Variants in RALYL observed in about 807,000 individuals in gnomAD.
RALYL encodes the protein RALY RNA binding protein like, also known as RNA-binding Raly-like protein.
A neutral mutation model predicts 35.1 loss-of-function variants in RALYL; 29 were observed. The ratio of observed to expected loss-of-function variants is 0.83; its 90% CI spans 0.61 to 1.13. RALYL has a LOEUF of 1.13. RALYL is among the 50% of genes most tolerant of loss of function. RALYL has a pLI of 0.00. For synonymous variants in RALYL, 120 were observed against 127.6 expected (o/e 0.94, Z 0.40); for missense variants, 359 against 360.4 (o/e 1.00, Z 0.03).
chr8:84,351,081 C>T (rs769113952), intron 1 of RALYL, among the ~76,000 whole-genome samples: 6 of 149,620 alleles, frequency 4.0e-5, no homozygotes, highest in East Asian at 1.9e-4. Context: ...TGTTTGTTCT[C>T]GGTTAACTCT....
At chr8:84,373,398 T>A (rs193272177) in intron 1 of RALYL, among the ~76,000 whole-genome samples, 208 of 152,166 alleles carry the variant, frequency 1.4e-3, no homozygotes, top group African/African-American at 4.5e-3. Context: ...TTTTTGTTTA[T>A]GATATATGGA....
chr8:84,686,390 A>G (rs1281021309), intron 2 of RALYL, among the ~76,000 whole-genome samples: 1 of 143,212 alleles, frequency 7.0e-6, no homozygotes. Flanking sequence ...ATATTAATAC[A>G]TCATATTGTT....
At chr8:84,319,054 A>G (rs1272399160) in intron 1 of RALYL, among the ~76,000 whole-genome samples, 1 of 152,150 alleles carries the variant, frequency 6.6e-6, no homozygotes, top group Non-Finnish European at 1.5e-5. Context: ...ATACTCAACG[A>G]AGAGCTATTT....
chr8:84,254,096 A>G (rs756747404), intron 1 of RALYL, among the ~76,000 whole-genome samples: 35 of 152,146 alleles, frequency 2.3e-4, no homozygotes, highest in Non-Finnish European at 2.8e-4. Flanking sequence ...ATAATTGTCC[A>G]CTTTATAAGC....
chr8:84,367,526 A>AT (rs1391227702), intron 1 of RALYL, among the ~76,000 whole-genome samples: 1 of 150,340 alleles, frequency 6.7e-6, no homozygotes, highest in Non-Finnish European at 1.5e-5. Flanking sequence ...TTGTTTGATA[A>AT]TTTTTCATAT....
chr8:84,277,514 C>T (rs1006317355), intron 1 of RALYL, among the ~76,000 whole-genome samples: 1 of 152,098 alleles, frequency 6.6e-6, no homozygotes, highest in Non-Finnish European at 1.5e-5. Context: ...CCCAACAGTC[C>T]CCCAAAGTCT....
At chr8:84,700,473 T>G (rs1839988842) in intron 2 of RALYL, among the ~76,000 whole-genome samples, 1 of 151,904 alleles carries the variant, frequency 6.6e-6, no homozygotes, top group Non-Finnish European at 1.5e-5. Flanking sequence ...TGAACAAAAC[T>G]AAGGAGTACA....
rs187149722 is a variant in RALYL, at chr8:84,294,400, G to C, written c.-24+109976G>C. On this transcript the variant is annotated intron_variant, in intron 1 of 8. Transcript: ENST00000521268. ...GGATTGGATTAAATTGTTCAGCAAT[G>C]CTTGCTTATTGGTATCTTCAGTTTC... is the stretch of plus-strand genomic sequence containing the variant. Among the ~76,000 whole-genome samples the C allele has an allele frequency of 3.6e-3, 545 of 152,248 alleles. 16 individuals are homozygous for C. Among genetic ancestry groups the C allele is most frequent in the Non-Finnish European group, 5.1e-4 (35 of 68,004 alleles).
chr8:84,338,174 CTTTA>C (rs1349432191), intron 1 of RALYL, among the ~76,000 whole-genome samples: 9 of 151,682 alleles, frequency 5.9e-5, no homozygotes, highest in African/African-American at 1.7e-4. Flanking sequence ...AAAAAAAAAA[CTTTA>C]TTTATAATAA....
intron 1 of RALYL, among the ~76,000 whole-genome samples, chr8:84,366,716 A>G (rs1031808705): frequency 1.4e-5 from 2 of 141,348 alleles, no homozygotes; most frequent in African/African-American, 5.3e-5. Flanking sequence ...TTGAGCCAAG[A>G]TCACACCACT....
At chr8:84,723,382 T>C (rs1844358032) in intron 2 of RALYL, among the ~76,000 whole-genome samples, 1 of 152,026 alleles carries the variant, frequency 6.6e-6, no homozygotes, top group Non-Finnish European at 1.5e-5. Context: ...GAACCTAAAG[T>C]TATCACATGC....
chr8:84,191,555 A>G (rs563711193), intron 1 of RALYL, among the ~76,000 whole-genome samples: 1 of 152,246 alleles, frequency 6.6e-6, no homozygotes, highest in South Asian at 2.1e-4. Flanking sequence ...TCTGGGCAGA[A>G]AAAACACAAG....
intron 4 of RALYL, among the ~76,000 whole-genome samples, chr8:84,824,388 A>G (rs1199331942): frequency 6.6e-6 from 1 of 152,220 alleles, no homozygotes; most frequent in Non-Finnish European, 1.5e-5. Context: ...AAAACATTCT[A>G]TGGCTCATGA....
intron 4 of RALYL, among the ~76,000 whole-genome samples, chr8:84,840,114 C>T (rs1586681420): frequency 6.6e-6 from 1 of 152,196 alleles, no homozygotes; most frequent in East Asian, 1.9e-4. Context: ...CAAAGCTGGA[C>T]AGGGAATGAC....
chr8:84,425,137 C>G (rs1426819935), intron 1 of RALYL, among the ~76,000 whole-genome samples: 2 of 152,206 alleles, frequency 1.3e-5, no homozygotes, highest in East Asian at 3.9e-4. Flanking sequence ...TGGCGGACGC[C>G]CCTCCCCCAG....
At chr8:84,355,999 G>A (rs1455445458) in intron 1 of RALYL, among the ~76,000 whole-genome samples, 1 of 149,940 alleles carries the variant, frequency 6.7e-6, no homozygotes, top group Non-Finnish European at 1.5e-5. Flanking sequence ...TAGTGAGTGA[G>A]TTCTTGGGAG....
At chr8:84,647,146 C>A (rs1476648868) in intron 2 of RALYL, among the ~76,000 whole-genome samples, 3 of 151,950 alleles carry the variant, frequency 2.0e-5, no homozygotes, top group African/African-American at 7.2e-5. Context: ...GCCTATAGGT[C>A]TTTAAGATCT....
chr8:84,542,219 T>A (rs564400982), intron 2 of RALYL, among the ~76,000 whole-genome samples: 1 of 152,230 alleles, frequency 6.6e-6, no homozygotes, highest in African/African-American at 2.4e-5. Context: ...ACCATTTTAC[T>A]TTTTTTATAC....
At position 84,415,205 on chromosome 8, in the gene RALYL, GT is replaced by G. The variant is rs33962115; in HGVS notation, c.-23-114081del. Among the ~76,000 whole-genome samples the G allele has an allele frequency of 2.7e-3, 148 of 54,658 alleles. 1 individual carries two copies. The highest frequency in any genetic ancestry group is 5.5e-3 in the African/African-American group (105 of 19,130). The allele number at this position is 54,658 out of a possible 152,430, so 35.9% of individuals were successfully genotyped here. A position where few individuals can be genotyped will look rare whatever the true frequency, so the allele number is the denominator to read the frequency against. ...GAAGTTATTCTACTTGCAGACACTCGTTTTTTTTTTTTTGTTTTTTTGTTTT... is the reference window on the plus strand; with the variant it reads ...GAAGTTATTCTACTTGCAGACACTCGTTTTTTTTTTTTGTTTTTTTGTTTT... On this transcript the variant is annotated intron_variant, in intron 1 of 8. Transcript: ENST00000521268.
Sources: allele counts gnomAD v4.1 joint callset (sites outside exome capture counted in the v4.1 genomes callset), GRCh38; gene constraint gnomAD v4.1.1; transcripts MANE v1.5; gene names NCBI Gene and HGNC (gene_info 2026-07-23, HGNC 2026-07-21).